Variants in CDH13 observed in about 807,000 individuals in gnomAD.
The protein encoded by CDH13 is cadherin 13.
A neutral mutation model predicts 63.8 loss-of-function variants in CDH13; 24 were observed. The observed-to-expected ratio is 0.38, with a 90% confidence interval of 0.27 to 0.53. CDH13 has a LOEUF of 0.53. Among genes scored for constraint, CDH13 ranks in the 20% least tolerant of loss-of-function variants. The pLI, the probability that CDH13 is intolerant of heterozygous loss-of-function variation, is 0.85. For synonymous variants in CDH13, 503 were observed against 355.3 expected, an observed-to-expected ratio of 1.42 and a Z score of -4.67; for missense variants, 1,049 against 903.1, an observed-to-expected ratio of 1.16 and a Z score of -2.07.
At chr16:82,750,248 C>G (rs1487934102) in intron 1 of CDH13, among the ~76,000 whole-genome samples, 2 of 152,082 alleles carry the variant, frequency 1.3e-5, no homozygotes, top group Admixed American at 6.6e-5. Context: ...ATCTTTATTG[C>G]TGAGTAAATA....
rs567885296 is a variant in CDH13, at chr16:83,608,103, G to A, written c.1101+5509G>A. 2.7e-4 allele frequency among the ~76,000 whole-genome samples: 41 copies of A among 152,188 alleles called. No individual in the cohort carries two copies. In the South Asian group the frequency reaches 6.0e-3, roughly 22 times the overall value. ...AGAAAATTTCAAATTTCATTTTCCAGTTCTACCTTAAAATGGCAATTGGTC... is the reference window on the plus strand; with the variant it reads ...AGAAAATTTCAAATTTCATTTTCCAATTCTACCTTAAAATGGCAATTGGTC... On this transcript the variant is annotated intron_variant, in intron 8 of 13. Transcript: ENST00000567109.
chr16:82,663,438 G>A (rs796686132), intron 1 of CDH13, among the ~76,000 whole-genome samples: 3 of 152,136 alleles, frequency 2.0e-5, no homozygotes, highest in African/African-American at 7.2e-5. Context: ...ACACGCCTCG[G>A]CCTCCCAAAA....
intron 1 of CDH13, among the ~76,000 whole-genome samples, chr16:82,790,851 CCATGATTCA>C (rs2036263498): frequency 6.6e-6 from 1 of 152,170 alleles, no homozygotes; most frequent in South Asian, 2.1e-4. Context: ...AAAACTGCCC[CCATGATTCA>C]ATTAACTCCA....
chr16:83,156,663 G>A (rs1030513273), intron 4 of CDH13, among the ~76,000 whole-genome samples: 8 of 152,192 alleles, frequency 5.3e-5, no homozygotes, highest in Non-Finnish European at 1.0e-4. Context: ...CTCACCTGCT[G>A]CCAGGGCTTG....
intron 1 of CDH13, among the ~76,000 whole-genome samples, chr16:82,726,171 G>T (rs1260662850): frequency 6.6e-6 from 1 of 152,144 alleles, no homozygotes; most frequent in African/African-American, 2.4e-5. Context: ...CGCACGGTAG[G>T]TTATACAGCA....
chr16:83,101,025 G>A (rs1322598058), intron 3 of CDH13, among the ~76,000 whole-genome samples: 1 of 151,996 alleles, frequency 6.6e-6, no homozygotes, highest in Non-Finnish European at 1.5e-5. Context: ...TTCAGTTCAT[G>A]GTAAAGGACA....
intron 4 of CDH13, among the ~76,000 whole-genome samples, chr16:83,148,980 C>A (rs2036864443): frequency 6.6e-6 from 1 of 152,030 alleles, no homozygotes; most frequent in South Asian, 2.1e-4. Context: ...GAGTAGACCC[C>A]AAATGTATCA....
intron 10 of CDH13, among the ~76,000 whole-genome samples, chr16:83,722,776 G>C (rs750222875): frequency 2.4e-4 from 37 of 152,128 alleles, no homozygotes; most frequent in Non-Finnish European, 8.8e-5. Context: ...AGGCTGGGGG[G>C]GTGGATTTCA....
chr16:82,764,678 A>G (rs1481732339), intron 1 of CDH13, among the ~76,000 whole-genome samples: 1 of 152,242 alleles, frequency 6.6e-6, no homozygotes, highest in African/African-American at 2.4e-5. Flanking sequence ...ACACGAATAA[A>G]TGTGTGTTGA....
intron 6 of CDH13, among the ~76,000 whole-genome samples, chr16:83,376,674 TA>T (rs2091464930): frequency 6.6e-6 from 1 of 152,124 alleles, no homozygotes; most frequent in African/African-American, 2.4e-5. Context: ...GAGACATGCA[TA>T]CTCTAGAGAG....
intron 4 of CDH13, among the ~76,000 whole-genome samples, chr16:83,156,653 C>T (rs1428258144): frequency 1.3e-5 from 2 of 152,190 alleles, no homozygotes; most frequent in East Asian, 3.8e-4. Flanking sequence ...TCAAGTTTTA[C>T]TCACCTGCTG....
intron 6 of CDH13, among the ~76,000 whole-genome samples, chr16:83,387,329 A>G (rs991577504): frequency 6.6e-5 from 10 of 152,232 alleles, no homozygotes; most frequent in Admixed American, 6.5e-5. Context: ...TTCTCCACTG[A>G]GAACTAATTG....
chr16:82,662,746 A>G (rs922806295), intron 1 of CDH13, among the ~76,000 whole-genome samples: 26 of 152,312 alleles, frequency 1.7e-4, no homozygotes, highest in Non-Finnish European at 2.4e-4. Context: ...TTAAATGTCA[A>G]ATAGCGCCTG....
intron 6 of CDH13, among the ~76,000 whole-genome samples, chr16:83,441,336 A>C (rs1402833846): frequency 6.6e-6 from 1 of 152,232 alleles, no homozygotes; most frequent in African/African-American, 2.4e-5. Context: ...CTTGGGAAAA[A>C]CACAATACAT....
At chr16:82,845,284 C>T (rs940957856) in intron 1 of CDH13, among the ~76,000 whole-genome samples, 1 of 152,168 alleles carries the variant, frequency 6.6e-6, no homozygotes, top group African/African-American at 2.4e-5. Flanking sequence ...GCTGTCATTT[C>T]CAATGCACTG....
intron 7 of CDH13, among the ~76,000 whole-genome samples, chr16:83,508,099 A>G (rs12922800): frequency 0.54 from 31,078 of 57,372 alleles, 7,388 homozygotes; most frequent in East Asian, 0.81. Flanking sequence ...AAGGAAGGAA[A>G]GAAGGAAGGA....
At chr16:83,592,927 C>A (rs566337154) in intron 7 of CDH13, among the ~76,000 whole-genome samples, 4 of 152,154 alleles carry the variant, frequency 2.6e-5, no homozygotes, top group Non-Finnish European at 5.9e-5. Flanking sequence ...GAACATCGCT[C>A]GACCTCTGCA....
chr16:83,661,432 G>A (rs562816060), intron 8 of CDH13, among the ~76,000 whole-genome samples: 11 of 150,198 alleles, frequency 7.3e-5, no homozygotes, highest in East Asian at 2.0e-4. Flanking sequence ...GCAATGAGAC[G>A]CAGTCACACC....
intron 5 of CDH13, among the ~76,000 whole-genome samples, chr16:83,333,103 C>T (rs535590478): frequency 6.6e-5 from 10 of 152,044 alleles, no homozygotes; most frequent in Non-Finnish European, 1.2e-4. Flanking sequence ...GTCTGTCAAG[C>T]GGGGGATAAA....
Sources: allele counts gnomAD v4.1 joint callset (sites outside exome capture counted in the v4.1 genomes callset), GRCh38; gene constraint gnomAD v4.1.1; transcripts MANE v1.5; gene names NCBI Gene and HGNC (gene_info 2026-07-23, HGNC 2026-07-21).